INVS: variants seen among roughly 807,000 people sequenced by gnomAD.
The protein encoded by INVS is inversion of embryo turning homolog.
In INVS, 86 loss-of-function variants were observed where a neutral mutation model predicts 108.8. That is an observed-to-expected ratio of 0.79 (90% CI 0.66 to 0.95). INVS has a LOEUF of 0.95. Ranked by LOEUF, INVS falls within the 40% of genes least tolerant of loss-of-function variation. The pLI, the probability that INVS is intolerant of heterozygous loss-of-function variation, is 0.00. For missense variants in INVS, 1,169 were observed against 1,297.4 expected (o/e 0.90, Z 1.52); for synonymous variants, 455 against 473.5 (o/e 0.96, Z 0.51).
intron 13 of INVS, among the ~76,000 whole-genome samples, chr9:100,289,633 G>T (rs1293534124): frequency 6.6e-6 from 1 of 152,142 alleles, no homozygotes; most frequent in African/African-American, 2.4e-5. Context: ...GGTGGCTGTT[G>T]GCTGTCTCTA....
intron 1 of INVS, chr9:100,102,452 CCT>C (rs574137756): frequency 6.6e-6 from 1 of 152,144 alleles, no homozygotes; most frequent in Non-Finnish European, 1.5e-5. Flanking sequence ...ATGGTTAAGA[CCT>C]CTATCTAGGT....
At chr9:100,197,220 A>G (rs1162283884) in intron 3 of INVS, among the ~76,000 whole-genome samples, 1 of 152,148 alleles carries the variant, frequency 6.6e-6, no homozygotes. Context: ...ACTCAGGGAA[A>G]CATGTTTACT....
At chr9:100,177,632 G>T (rs1829759532) in intron 3 of INVS, among the ~76,000 whole-genome samples, 1 of 152,220 alleles carries the variant, frequency 6.6e-6, no homozygotes, top group Non-Finnish European at 1.5e-5. Context: ...CCAGTCAGGG[G>T]CTTATAGATA....
intron 14 of INVS, among the ~76,000 whole-genome samples, chr9:100,295,486 G>A (rs183121628): frequency 3.9e-5 from 6 of 152,258 alleles, no homozygotes; most frequent in East Asian, 1.9e-4. Flanking sequence ...AGCCTGAAGC[G>A]CTGTCCTGCA....
At chr9:100,297,793 G>A in intron 15 of INVS, 143 bp from the exon 16 acceptor site, 2 of 791,442 alleles carry the variant, frequency 2.5e-6, no homozygotes, top group Non-Finnish European at 4.5e-6. Context: ...TTTACCCTGG[G>A]CCTACATGTT....
chr9:100,161,677 T>C (rs1372685064), intron 3 of INVS, among the ~76,000 whole-genome samples: 1 of 152,080 alleles, frequency 6.6e-6, no homozygotes, highest in African/African-American at 2.4e-5. Flanking sequence ...TTTCTAGACC[T>C]TGGGGCAGAA....
At position 100,229,763 on chromosome 9, in the gene INVS, T is replaced by G; in HGVS notation, c.551T>G (p.Ile184Ser). The G allele has an allele frequency of 6.2e-7, 1 of 1,614,156 alleles. No homozygotes were observed. Among genetic ancestry groups the G allele is most frequent in the Non-Finnish European group, 8.5e-7 (1 of 1,180,002 alleles). ...NIGIPDVEGKIPLHWAANHKD... is the reference protein window; with the variant it reads ...NIGIPDVEGKSPLHWAANHKD... Reference sequence around the variant, plus strand: ...GGGATTCCTGATGTTGAAGGCAAGATCCCACTTCACTGGGCAGCCAACCAT... The same window carrying G: ...GGGATTCCTGATGTTGAAGGCAAGAGCCCACTTCACTGGGCAGCCAACCAT... The change falls in exon 5 of 17, where the codon ATC (isoleucine) becomes AGC (serine). Residue 184 changes from isoleucine to serine, a missense_variant. Physicochemically the swap from Ile to Ser is moderately radical, Grantham distance 142. Around this residue, in one of 3 missense-constraint regions of INVS, gnomAD observed 365 missense variants for 397.5 expected, o/e 0.92. Coordinates refer to ENST00000262457, the MANE Select transcript of INVS (RefSeq NM_014425.5).
intron 3 of INVS, among the ~76,000 whole-genome samples, chr9:100,132,783 T>C (rs1293818309): frequency 1.3e-5 from 2 of 152,136 alleles, no homozygotes; most frequent in East Asian, 1.9e-4. Context: ...TGGAATTTTT[T>C]TTTTTTAATT....
chr9:100,102,058 C>T (rs1205072830), intron 1 of INVS: 1 of 152,160 alleles, frequency 6.6e-6, no homozygotes, highest in Non-Finnish European at 1.5e-5. Context: ...TGATAGGGAT[C>T]TCACTATCTT....
chr9:100,208,855 T>G (rs962196194), intron 3 of INVS, among the ~76,000 whole-genome samples: 1 of 152,188 alleles, frequency 6.6e-6, no homozygotes, highest in African/African-American at 2.4e-5. Context: ...GCTGTTTTGT[T>G]TACAGATACT....
chr9:100,270,467 G>A (rs992701765), intron 11 of INVS, among the ~76,000 whole-genome samples: 6 of 151,864 alleles, frequency 4.0e-5, no homozygotes, highest in African/African-American at 1.5e-4. Flanking sequence ...AAAACTGGCC[G>A]GGTGCAGTGG....
At chr9:100,141,748 G>T (rs894509406) in intron 3 of INVS, among the ~76,000 whole-genome samples, 1 of 152,196 alleles carries the variant, frequency 6.6e-6, no homozygotes, top group East Asian at 1.9e-4. Context: ...TAGTAGAATA[G>T]CAAATGGAAC....
At chr9:100,228,987 A>C (rs796535549) in intron 4 of INVS, among the ~76,000 whole-genome samples, 3 of 152,326 alleles carry the variant, frequency 2.0e-5, no homozygotes, top group African/African-American at 7.2e-5. Context: ...TTTCCGTCTT[A>C]ACTAAGCACT....
At chr9:100,232,725 G>T (rs1430370726) in intron 5 of INVS, among the ~76,000 whole-genome samples, 1 of 152,014 alleles carries the variant, frequency 6.6e-6, no homozygotes, top group Non-Finnish European at 1.5e-5. Context: ...ATCTGTTTTG[G>T]TACAAGTACC....
At chr9:100,103,433 C>T (rs1234372052) in intron 1 of INVS, among the ~76,000 whole-genome samples, 1 of 151,890 alleles carries the variant, frequency 6.6e-6, no homozygotes, top group Non-Finnish European at 1.5e-5. Flanking sequence ...TCGAGACCAG[C>T]CTGGCCAACA....
chr9:100,251,564 T>G (rs536367172), intron 8 of INVS, among the ~76,000 whole-genome samples: 7 of 152,330 alleles, frequency 4.6e-5, no homozygotes, highest in African/African-American at 1.7e-4. Flanking sequence ...TTCCTGTTTC[T>G]TTTCTTTTCT....
intron 3 of INVS, among the ~76,000 whole-genome samples, chr9:100,137,740 A>G (rs1828272862): frequency 2.0e-5 from 3 of 152,232 alleles, no homozygotes; most frequent in Admixed American, 2.0e-4. Flanking sequence ...ATATATGAGT[A>G]TGAAACATCT....
chr9:100,241,955 A>G (rs1252738327), intron 6 of INVS, among the ~76,000 whole-genome samples: 1 of 152,100 alleles, frequency 6.6e-6, no homozygotes, highest in African/African-American at 2.4e-5. Flanking sequence ...TGTGGAGATC[A>G]CATCCTCCAG....
intron 3 of INVS, among the ~76,000 whole-genome samples, chr9:100,179,649 C>G (rs1183977298): frequency 6.6e-6 from 1 of 152,064 alleles, no homozygotes; most frequent in African/African-American, 2.4e-5. Context: ...AAAGCAAGTT[C>G]TCAGAGACCT....
Sources: gnomAD v4.1 joint callset for allele counts (sites outside exome capture counted in the v4.1 genomes callset) on GRCh38, gnomAD v4.1.1 for gene constraint, gnomAD v4.1.1 regional missense constraint, MANE v1.5 for transcripts, NCBI Gene and HGNC (gene_info 2026-07-23, HGNC 2026-07-21) for gene names.